The following MSI2 variants were observed in gnomAD, a reference collection of about 807,000 sequenced individuals.
MSI2 encodes RNA-binding protein Musashi homolog 2.
MSI2 carries 17 observed loss-of-function variants against 45.6 expected under a neutral mutation model. The ratio of observed to expected loss-of-function variants is 0.37; its 90% confidence interval spans 0.26 to 0.56. The LOEUF (loss-of-function observed/expected upper bound fraction) is 0.56, where lower values mean the gene tolerates loss of function less well. Ranked by LOEUF, MSI2 falls within the 20% of genes least tolerant of loss-of-function variation. The pLI, the probability that MSI2 is intolerant of heterozygous loss-of-function variation, is 0.77. For missense variants in MSI2, 293 were observed against 444.2 expected (o/e 0.66, Z 3.06); for synonymous variants, 156 against 158.2 (o/e 0.99, Z 0.11).
At chr17:57,669,554 A>G (rs1912625965) in intron 11 of MSI2, among the ~76,000 whole-genome samples, 1 of 152,252 alleles carries the variant, frequency 6.6e-6, no homozygotes, top group Non-Finnish European at 1.5e-5. Flanking sequence ...AGCATGATAT[A>G]GACAAGATGA....
intron 9 of MSI2, among the ~76,000 whole-genome samples, chr17:57,624,962 A>T (rs1009734862): frequency 1.1e-4 from 16 of 152,198 alleles, no homozygotes; most frequent in Non-Finnish European, 1.9e-4. Context: ...GCTGGGAAGT[A>T]AAGATCAAGG....
chr17:57,294,170 G>A (rs1456114103), intron 5 of MSI2, among the ~76,000 whole-genome samples: 3 of 152,096 alleles, frequency 2.0e-5, no homozygotes, highest in Non-Finnish European at 4.4e-5. Flanking sequence ...GGGAGGATCT[G>A]GCTCTGACCA....
intron 5 of MSI2, among the ~76,000 whole-genome samples, chr17:57,397,228 C>G (rs1046618440): frequency 6.6e-6 from 1 of 152,174 alleles, no homozygotes; most frequent in Non-Finnish European, 1.5e-5. Context: ...AGGTGGCTCT[C>G]TCTTCACTGG....
At chr17:57,452,596 A>G (rs2085038638) in intron 6 of MSI2, among the ~76,000 whole-genome samples, 1 of 152,344 alleles carries the variant, frequency 6.6e-6, no homozygotes. Flanking sequence ...TATTTTCTGG[A>G]CTTACAAACA....
At chr17:57,334,461 G>C (rs1369636531) in intron 5 of MSI2, among the ~76,000 whole-genome samples, 1 of 152,042 alleles carries the variant, frequency 6.6e-6, no homozygotes, top group Non-Finnish European at 1.5e-5. Context: ...GGCAGCTGGG[G>C]AACGCCTCTG....
chr17:57,360,130 A>G (rs1172600798), intron 5 of MSI2, among the ~76,000 whole-genome samples: 2 of 152,216 alleles, frequency 1.3e-5, no homozygotes, highest in Non-Finnish European at 2.9e-5. Flanking sequence ...TTTTATTATG[A>G]TGGGGGCTTC....
intron 6 of MSI2, among the ~76,000 whole-genome samples, chr17:57,412,410 G>A (rs1000184377): frequency 6.6e-6 from 1 of 152,066 alleles, no homozygotes; most frequent in African/African-American, 2.4e-5. Context: ...ATTCTTTTTT[G>A]AAACACTGTG....
At chr17:57,455,705 G>C (rs2085100916) in intron 6 of MSI2, among the ~76,000 whole-genome samples, 1 of 152,180 alleles carries the variant, frequency 6.6e-6, no homozygotes, top group Admixed American at 6.5e-5. Context: ...GTGGGGGAGA[G>C]CCGGGGAACT....
intron 6 of MSI2, among the ~76,000 whole-genome samples, chr17:57,441,477 A>T (rs1384260589): frequency 1.3e-5 from 2 of 152,112 alleles, no homozygotes. Context: ...TGAAAGTATC[A>T]TTGGCATATA....
At chr17:57,609,007 G>A (rs1490913612) in intron 8 of MSI2, among the ~76,000 whole-genome samples, 1 of 152,152 alleles carries the variant, frequency 6.6e-6, no homozygotes, top group African/African-American at 2.4e-5. Context: ...TGTGACATGT[G>A]GTCTCTGGAG....
chr17:57,528,210 C>T (rs190701056), intron 6 of MSI2, among the ~76,000 whole-genome samples: 1 of 152,172 alleles, frequency 6.6e-6, no homozygotes, highest in Admixed American at 6.5e-5. Flanking sequence ...TCCCCCGGTG[C>T]GTAGCTGAAG....
chr17:57,318,457 T>C (rs1913047137), intron 5 of MSI2, among the ~76,000 whole-genome samples: 1 of 151,896 alleles, frequency 6.6e-6, no homozygotes, highest in Non-Finnish European at 1.5e-5. Flanking sequence ...TTTGGGGGAG[T>C]GCTCCAGTTT....
At position 57,507,945 on chromosome 17, in the gene MSI2, T is replaced by G. The variant is rs373715803; in HGVS notation, c.406-21731T>G. Among the ~76,000 whole-genome samples, 817 of 152,326 alleles carry G rather than the reference T, an allele frequency of 5.4e-3. 7 individuals are homozygous for G. Among genetic ancestry groups the G allele is most frequent in the African/African-American group, 0.018 (752 of 41,572 alleles). On this transcript the variant is annotated intron_variant, in intron 6 of 13. Transcript: ENST00000284073. Reference sequence around the variant, plus strand: ...ATAGGTGTGAGCCGCCATGCCTGGCTTGCTGCATTTTCTTTTTAATCCTTG... The same window carrying G: ...ATAGGTGTGAGCCGCCATGCCTGGCGTGCTGCATTTTCTTTTTAATCCTTG...
chr17:57,286,855 G>A (rs1394785299), intron 5 of MSI2, among the ~76,000 whole-genome samples: 4 of 152,210 alleles, frequency 2.6e-5, no homozygotes, highest in African/African-American at 7.2e-5. Flanking sequence ...AGGAGAGAGC[G>A]GGCAGTGTGG....
At chr17:57,516,516 C>T (rs981621317) in intron 6 of MSI2, among the ~76,000 whole-genome samples, 6 of 152,194 alleles carry the variant, frequency 3.9e-5, no homozygotes, top group Middle Eastern at 3.2e-3. Context: ...CTCACTCATC[C>T]GTACTGATTT....
At chr17:57,349,092 C>T (rs1915825495) in intron 5 of MSI2, among the ~76,000 whole-genome samples, 1 of 152,158 alleles carries the variant, frequency 6.6e-6, no homozygotes, top group Non-Finnish European at 1.5e-5. Flanking sequence ...CATTCTCGGG[C>T]TGCCCTCCTC....
intron 7 of MSI2, among the ~76,000 whole-genome samples, chr17:57,553,599 T>C (rs146689313): frequency 6.6e-6 from 1 of 152,354 alleles, no homozygotes; most frequent in Non-Finnish European, 1.5e-5. Flanking sequence ...GTCCGTTTTT[T>C]TCTTTTGAAA....
intron 5 of MSI2, among the ~76,000 whole-genome samples, chr17:57,384,952 G>C (rs146147168): frequency 4.6e-5 from 7 of 152,300 alleles, no homozygotes; most frequent in Non-Finnish European, 1.0e-4. Flanking sequence ...CAGCCACCCA[G>C]TAAACTCAAG....
rs141785187 is a variant in MSI2, at chr17:57,459,486, A to G, written c.405+58015A>G. On this transcript the variant is annotated intron_variant, in intron 6 of 13. Transcript: ENST00000284073. ...CCCTGAACTTTTGACCTCTGGCTCC[A>G]GGTCCATAAATGTCCCGAGGTTCCC... Among the ~76,000 whole-genome samples, 111 of 152,334 alleles carry G rather than the reference A, an allele frequency of 7.3e-4. 2 individuals carry two copies. In the East Asian group the frequency reaches 0.02, roughly 28 times the overall value.
Sources: allele counts gnomAD v4.1 joint callset (sites outside exome capture counted in the v4.1 genomes callset), GRCh38; gene constraint gnomAD v4.1.1; transcripts MANE v1.5; gene names NCBI Gene and HGNC (gene_info 2026-07-23, HGNC 2026-07-21).